NHS: variants seen among roughly 807,000 people sequenced by gnomAD.
NHS encodes the protein actin remodeling regulator NHS.
In NHS, 5 loss-of-function variants were observed where a neutral mutation model predicts 72.5. The ratio of observed to expected loss-of-function variants is 0.07; its 90% CI spans 0.04 to 0.14. The LOEUF is 0.14. Among genes scored for constraint, NHS ranks in the 10% least tolerant of loss-of-function variants. The pLI is 1.00. For missense variants in NHS, 1,072 were observed against 1,355.7 expected, an observed-to-expected ratio of 0.79 and a Z score of 3.29; for synonymous variants, 464 against 547.7, an observed-to-expected ratio of 0.85 and a Z score of 2.13.
chrX:17,538,253 T>C (rs1051913710), intron 1 of NHS, among the ~76,000 whole-genome samples: 2 of 112,180 alleles, frequency 1.8e-5, no homozygotes, highest in African/African-American at 6.5e-5. Context: ...AAAAGTGCAC[T>C]GCCTTTCCTG....
At chrX:17,604,442 A>G in intron 1 of NHS, among the ~76,000 whole-genome samples, 1 of 112,480 alleles carries the variant, frequency 8.9e-6, no homozygotes, top group East Asian at 2.8e-4. Flanking sequence ...CTGTTACCAC[A>G]TTTGGGATTG....
At chrX:17,557,594 C>T (rs777652412) in intron 1 of NHS, among the ~76,000 whole-genome samples, 1 of 111,068 alleles carries the variant, frequency 9.0e-6, no homozygotes, top group Non-Finnish European at 1.9e-5. Flanking sequence ...CACATATTTA[C>T]GATCTCACAG....
intron 1 of NHS, among the ~76,000 whole-genome samples, chrX:17,403,370 C>T (rs1448116877): frequency 1.8e-5 from 2 of 111,832 alleles, no homozygotes; most frequent in East Asian, 2.8e-4. Context: ...CAAGGGCTGA[C>T]CAAGGACAAA....
intron 1 of NHS, among the ~76,000 whole-genome samples, chrX:17,455,149 G>A (rs2064820931): frequency 1.8e-5 from 2 of 111,609 alleles, no homozygotes; most frequent in South Asian, 3.8e-4. Flanking sequence ...CTTTTGTCAG[G>A]GGCTGGCATC....
chrX:17,670,948 T>C, intron 1 of NHS, among the ~76,000 whole-genome samples: 1 of 112,376 alleles, frequency 8.9e-6, no homozygotes, highest in Middle Eastern at 4.6e-3. Context: ...TGGATGTCTC[T>C]GAGTGAGTGA....
At chrX:17,647,489 T>C (rs1415501819) in intron 1 of NHS, among the ~76,000 whole-genome samples, 1 of 111,813 alleles carries the variant, frequency 8.9e-6, no homozygotes, top group African/African-American at 3.3e-5. Context: ...AGAGTCTCCA[T>C]CTGTACATTT....
chrX:17,512,694 C>T (rs1310313526), intron 1 of NHS, among the ~76,000 whole-genome samples: 1 of 112,707 alleles, frequency 8.9e-6, no homozygotes, highest in Non-Finnish European at 1.9e-5. Flanking sequence ...CCTAATGTAT[C>T]AGTCACACTG....
intron 1 of NHS, among the ~76,000 whole-genome samples, chrX:17,380,060 C>T (rs1046502747): frequency 3.6e-5 from 4 of 111,245 alleles, no homozygotes; most frequent in Non-Finnish European, 7.5e-5. Context: ...AGGACTTAGC[C>T]CAGGGCAGTC....
intron 3 of NHS, among the ~76,000 whole-genome samples, chrX:17,718,710 C>A (rs2147135302): frequency 3.0e-5 from 2 of 67,287 alleles, no homozygotes; most frequent in African/African-American, 6.3e-5. Flanking sequence ...GGGAGGGAGG[C>A]AAGGAGGGAG....
intron 1 of NHS, among the ~76,000 whole-genome samples, chrX:17,381,163 A>G (rs1394103602): frequency 8.9e-6 from 1 of 111,809 alleles, no homozygotes; most frequent in Non-Finnish European, 1.9e-5. Context: ...CCAACTTTTC[A>G]GTCACTGAAA....
chrX:17,567,645 A>G (rs968532104), intron 1 of NHS, among the ~76,000 whole-genome samples: 1 of 110,942 alleles, frequency 9.0e-6, no homozygotes, highest in South Asian at 3.9e-4. Context: ...TGAAGAAAAG[A>G]AGCTGTTTCT....
At chrX:17,404,622 C>T (rs144210068) in intron 1 of NHS, among the ~76,000 whole-genome samples, 296 of 111,168 alleles carry the variant, frequency 2.7e-3, no homozygotes, top group African/African-American at 9.1e-3. Flanking sequence ...CCTAATCTCT[C>T]CTTCTGCCTC....
intron 1 of NHS, among the ~76,000 whole-genome samples, chrX:17,430,239 T>G (rs1411611782): frequency 1.4e-5 from 1 of 70,359 alleles, no homozygotes; most frequent in Non-Finnish European, 2.6e-5. Context: ...CTTCCCTCCC[T>G]CCCTCCCTCC....
chrX:17,642,818 T>C (rs751634872), intron 1 of NHS, among the ~76,000 whole-genome samples: 4 of 112,948 alleles, frequency 3.5e-5, no homozygotes, highest in South Asian at 7.2e-4. Flanking sequence ...TTGATTTTCT[T>C]CTAATCTGTT....
chrX:17,457,690 C>T (rs1294310979), intron 1 of NHS, among the ~76,000 whole-genome samples: 3 of 111,744 alleles, frequency 2.7e-5, no homozygotes, highest in Admixed American at 9.5e-5. Flanking sequence ...CTGGAGACTG[C>T]GATATTCAAG....
chrX:17,522,502 C>CAA (rs1230037781), intron 1 of NHS, among the ~76,000 whole-genome samples: 1,400 of 64,659 alleles, frequency 0.022, 94 homozygotes, highest in African/African-American at 0.065. Context: ...CGCCCCCCCC[C>CAA]CCCCGCCCCA....
chrX:17,486,279 A>G (rs771231146), intron 1 of NHS, among the ~76,000 whole-genome samples: 2 of 112,454 alleles, frequency 1.8e-5, no homozygotes, highest in South Asian at 7.4e-4. Flanking sequence ...TACAACCTCA[A>G]AGTATACAAG....
rs185321249 is a variant in NHS at position 17,507,222 on chromosome X, A to T, written c.565+130900A>T. ...GTGACATCTTCAGATGCCATATATT[A>T]TGGGCTTCATAAATGTATACTTAGT... On this transcript the variant is annotated intron_variant, in intron 1 of 8. Transcript: ENST00000676302. Among the ~76,000 whole-genome samples, 6 of 112,405 alleles carry T rather than the reference A, an allele frequency of 5.3e-5. No homozygotes were observed. The East Asian group carries it at 1.7e-3, about 31-fold the overall frequency.
At chrX:17,538,661 T>C (rs1300053804) in intron 1 of NHS, among the ~76,000 whole-genome samples, 1 of 111,727 alleles carries the variant, frequency 9.0e-6, no homozygotes, top group Non-Finnish European at 1.9e-5. Flanking sequence ...CATGAACACG[T>C]GCAAAGTGGG....
Sources: gnomAD v4.1 joint callset for allele counts (sites outside exome capture counted in the v4.1 genomes callset) on GRCh38, gnomAD v4.1.1 for gene constraint, MANE v1.5 for transcripts, NCBI Gene and HGNC (gene_info 2026-07-23, HGNC 2026-07-21) for gene names.